Variants in NFIC observed in about 807,000 individuals in gnomAD.
NFIC encodes the protein nuclear factor I C.
NFIC carries 12 observed loss-of-function variants against 54.4 expected under a neutral mutation model. That is an observed-to-expected ratio of 0.22 (90% CI 0.14 to 0.36). The LOEUF is 0.36. NFIC is among the 10% of genes least tolerant of loss of function. The pLI, the probability that NFIC is intolerant of heterozygous loss-of-function variation, is 1.00. For missense variants in NFIC, 575 were observed against 718.2 expected (o/e 0.80, Z 2.28); for synonymous variants, 322 against 319.2 (o/e 1.01, Z -0.09).
chr19:3,366,019 G>C (rs962454854), upstream of NFIC, among the ~76,000 whole-genome samples: 1 of 148,028 alleles, frequency 6.8e-6, no homozygotes, highest in Middle Eastern at 3.4e-3. Context: ...CTCTGCGCAC[G>C]TCACTTCTTC....
intron 2 of NFIC, among the ~76,000 whole-genome samples, chr19:3,389,853 G>T (rs987784282): frequency 6.6e-6 from 1 of 152,150 alleles, no homozygotes; most frequent in Admixed American, 6.6e-5. Flanking sequence ...GCGTGGTGGT[G>T]CATGCCTGTA....
intron 2 of NFIC, among the ~76,000 whole-genome samples, chr19:3,391,909 T>C (rs1172920410): frequency 6.6e-6 from 1 of 152,104 alleles, no homozygotes; most frequent in Non-Finnish European, 1.5e-5. Context: ...TAGTTATTAT[T>C]GTCGTTATCA....
intron 1 of NFIC, among the ~76,000 whole-genome samples, chr19:3,368,913 C>CG (rs779542863): frequency 6.8e-6 from 1 of 147,066 alleles, no homozygotes; most frequent in African/African-American, 2.6e-5. Flanking sequence ...TGCTCTGACT[C>CG]TGTGTGTGTG....
chr19:3,361,590 C>A (rs913703756), upstream of NFIC, among the ~76,000 whole-genome samples: 6 of 150,768 alleles, frequency 4.0e-5, no homozygotes, highest in Non-Finnish European at 8.9e-5. Flanking sequence ...GACATCCCAT[C>A]ATGGGGGGCT....
chr19:3,380,824 T>C (rs954707521), intron 1 of NFIC, among the ~76,000 whole-genome samples: 3 of 151,960 alleles, frequency 2.0e-5, no homozygotes, highest in Non-Finnish European at 2.9e-5. Context: ...TTTTGTTTGT[T>C]CATTTGTTTT....
chr19:3,459,339 A>G lies in NFIC; in HGVS notation c.1509+2704A>G, dbSNP rs2082607305. Among the ~76,000 whole-genome samples the G allele has an allele frequency of 6.7e-6, 1 of 148,880 alleles. No individual in the cohort carries two copies. Among genetic ancestry groups the G allele is most frequent in the Non-Finnish European group, 1.5e-5 (1 of 67,440 alleles). ...CCATCGCCCCATGTCCGTCCCTATC[A>G]ATCCCCCCACTGTGAGGCTGGGTGG... is the stretch of plus-strand genomic sequence containing the variant. On this transcript the variant is annotated intron_variant, in intron 10 of 10. Transcript: ENST00000443272. The surrounding 1 kb of genome is among the most constrained non-coding windows in gnomAD (Gnocchi z 4.2).
chr19:3,377,300 C>T lies in NFIC; in HGVS notation c.31-4412C>T, dbSNP rs1471549175. On this transcript the variant is annotated intron_variant, in intron 1 of 10. Transcript: ENST00000443272. Reference sequence around the variant, plus strand: ...AGTGAGCTGAGATCGCATCACTGCACTCTAGCCTGGGTGACAGAGCGAGAC... The same window carrying T: ...AGTGAGCTGAGATCGCATCACTGCATTCTAGCCTGGGTGACAGAGCGAGAC... Among the ~76,000 whole-genome samples, 4 of 124,810 alleles carry T rather than the reference C, an allele frequency of 3.2e-5. No individual in the cohort carries two copies. In the East Asian group the frequency reaches 9.6e-4, roughly 30 times the overall value. 81.9% of individuals were successfully genotyped at this position (124,810 alleles called of 152,430 possible).
chr19:3,410,134 G>A (rs768974647), intron 2 of NFIC, among the ~76,000 whole-genome samples: 2 of 152,084 alleles, frequency 1.3e-5, no homozygotes, highest in African/African-American at 2.4e-5. Flanking sequence ...TCCGCCTCCC[G>A]GGTTCACGCC....
intron 3 of NFIC, among the ~76,000 whole-genome samples, chr19:3,432,683 T>G (rs1370520261): frequency 6.6e-6 from 1 of 150,880 alleles, no homozygotes; most frequent in Non-Finnish European, 1.5e-5. Context: ...TTTTTTTTTT[T>G]TTTTTGAGAT....
intron 2 of NFIC, among the ~76,000 whole-genome samples, chr19:3,423,104 G>A (rs1055642662): frequency 5.9e-5 from 9 of 151,982 alleles, no homozygotes; most frequent in South Asian, 4.2e-4. Context: ...AGGCTGAAGC[G>A]GGAGAATCAC....
intron 2 of NFIC, among the ~76,000 whole-genome samples, chr19:3,406,908 C>T (rs1231177629): frequency 6.6e-6 from 1 of 151,906 alleles, no homozygotes; most frequent in Non-Finnish European, 1.5e-5. Flanking sequence ...GCAGTGTGCA[C>T]AGCCCGTGCA....
intron 3 of NFIC, among the ~76,000 whole-genome samples, chr19:3,430,244 CTTTTT>C (rs869061995): frequency 7.0e-6 from 1 of 142,956 alleles, no homozygotes; most frequent in Non-Finnish European, 1.5e-5. Flanking sequence ...CAGAACCTTT[CTTTTT>C]TTTTTTTTTT....
At chr19:3,399,765 G>A (rs906956601) in intron 2 of NFIC, among the ~76,000 whole-genome samples, 1 of 151,828 alleles carries the variant, frequency 6.6e-6, no homozygotes, top group Non-Finnish European at 1.5e-5. Context: ...CAGCTACTGG[G>A]GAGGCTGAGG....
At chr19:3,422,301 T>A (rs907030783) in intron 2 of NFIC, among the ~76,000 whole-genome samples, 11 of 151,454 alleles carry the variant, frequency 7.3e-5, no homozygotes, top group Non-Finnish European at 1.6e-4. Context: ...CTCGAACTCC[T>A]GGCCTCAAGC....
chr19:3,421,729 G>A (rs1387584889), intron 2 of NFIC, among the ~76,000 whole-genome samples: 1 of 152,166 alleles, frequency 6.6e-6, no homozygotes, highest in African/African-American at 2.4e-5. Flanking sequence ...GGCTCCGTGC[G>A]CTAGGAAATA....
intron 2 of NFIC, among the ~76,000 whole-genome samples, chr19:3,384,684 C>T (rs552556552): frequency 2.6e-5 from 4 of 152,298 alleles, no homozygotes; most frequent in Middle Eastern, 3.4e-3. Context: ...CCACCGCGCC[C>T]GGCAGTTACC....
rs2082750628 is a variant in NFIC, at chr19:3,468,799, A to G, written c.*6030A>G. 1 of 152,118 alleles carries G rather than the reference A, an allele frequency of 6.6e-6. No individual in the cohort carries two copies. Among genetic ancestry groups the G allele is most frequent in the African/African-American group, 2.4e-5 (1 of 41,404 alleles). The allele number at this position is 152,118 out of a possible 1,614,324, so 9.4% of individuals were successfully genotyped here. On this transcript the variant is annotated 3_prime_UTR_variant, in exon 11 of 11. Coordinates refer to ENST00000443272, the MANE Select transcript of NFIC (RefSeq NM_001245002.2). Reference sequence around the variant, plus strand: ...TTCTGCTTACCGCACACTGGATAACACACACATACACACCCACAAAAATGC... The same window carrying G: ...TTCTGCTTACCGCACACTGGATAACGCACACATACACACCCACAAAAATGC...
At position 3,385,054 on chromosome 19, in the gene NFIC, G is replaced by A. The variant is rs10425220; in HGVS notation, c.562+2811G>A. ...CCCTCCCGCCTCTGCTCAGCAGGCA[G>A]GCCTGTGCCCCAGGTCAGGTTGGCC... On this transcript the variant is annotated intron_variant, in intron 2 of 10. Transcript: ENST00000443272. 9.6e-3 allele frequency among the ~76,000 whole-genome samples: 1,229 copies of A among 127,388 alleles called. 12 individuals carry two copies. Among genetic ancestry groups the A allele is most frequent in the African/African-American group, 0.034 (1,146 of 34,064 alleles). 83.6% of individuals were successfully genotyped at this position (127,388 alleles called of 152,430 possible). A position where few individuals can be genotyped will look rare whatever the true frequency, so the allele number is the denominator to read the frequency against.
At chr19:3,461,017 C>G (rs528412077) in intron 10 of NFIC, among the ~76,000 whole-genome samples, 1 of 151,980 alleles carries the variant, frequency 6.6e-6, no homozygotes, top group South Asian at 2.1e-4. Context: ...CCTAGCTACT[C>G]GGGAGGCTGA....
Sources: gnomAD v4.1 joint callset for allele counts (sites outside exome capture counted in the v4.1 genomes callset) on GRCh38, gnomAD v4.1.1 for gene constraint, Gnocchi (gnomAD v3.1) non-coding constraint, MANE v1.5 for transcripts, NCBI Gene and HGNC (gene_info 2026-07-23, HGNC 2026-07-21) for gene names.